Variants in CREB5 observed in about 807,000 individuals in gnomAD.
The protein encoded by CREB5 is cyclic AMP-responsive element-binding protein 5.
In CREB5, 19 loss-of-function variants were observed where a neutral mutation model predicts 57.1. The observed-to-expected ratio is 0.33, with a 90% CI of 0.23 to 0.49. The LOEUF is 0.49. Among genes scored for constraint, CREB5 ranks in the 20% least tolerant of loss-of-function variants. The probability of loss-of-function intolerance (pLI) is 0.99; values close to 1 mark genes in which losing one functional copy is unlikely to be tolerated. For missense variants in CREB5, 579 were observed against 671.6 expected (o/e 0.86, Z 1.52); for synonymous variants, 238 against 238.3 (o/e 1.00, Z 0.01).
At chr7:28,434,716 C>T (rs1788874498) in intron 1 of CREB5, among the ~76,000 whole-genome samples, 1 of 152,126 alleles carries the variant, frequency 6.6e-6, no homozygotes, top group African/African-American at 2.4e-5. Flanking sequence ...AAGACTATTA[C>T]AGTTTACCTA....
intron 1 of CREB5, among the ~76,000 whole-genome samples, chr7:28,354,306 G>A (rs2109815): frequency 0.27 from 40,988 of 151,942 alleles, 5,699 homozygotes; most frequent in Admixed American, 0.27. Context: ...ATCTGGGTGG[G>A]CACCATCTAA....
rs536640369 is a variant in CREB5, at chr7:28,650,653, G to T, written c.465-68100G>T. Reference sequence around the variant, plus strand: ...TTAGAAGGAAACAAATCATCATAAGGTTATTTTGTTCAATGATATAAAATA... The same window carrying T: ...TTAGAAGGAAACAAATCATCATAAGTTTATTTTGTTCAATGATATAAAATA... On this transcript the variant is annotated intron_variant, in intron 5 of 10. Transcript: ENST00000357727. Among the ~76,000 whole-genome samples the T allele has an allele frequency of 2.4e-4, 37 of 152,074 alleles. 1 individual carries two copies. The highest frequency in any genetic ancestry group is 1.6e-3 in the Admixed American group (25 of 15,276).
intron 5 of CREB5, among the ~76,000 whole-genome samples, chr7:28,640,432 G>A (rs1200244537): frequency 6.6e-6 from 1 of 152,058 alleles, no homozygotes; most frequent in Non-Finnish European, 1.5e-5. Context: ...AAGAATTTCA[G>A]CAACAACTAA....
At chr7:28,538,552 T>C (rs570676371) in intron 4 of CREB5, among the ~76,000 whole-genome samples, 2 of 152,338 alleles carry the variant, frequency 1.3e-5, no homozygotes, top group East Asian at 3.9e-4. Context: ...AGAATCAAGC[T>C]TTGGCTTTGT....
At position 28,611,049 on chromosome 7, in the gene CREB5, CCTTATA is replaced by C. The variant is rs1797364884; in HGVS notation, c.464+40517_464+40522del. ...GAGACATTTAAGAGAACTGTCTTTC[CCTTATA>C]CTTAGAGAGGAAATATGTCTTCCTC... is the stretch of plus-strand genomic sequence containing the variant. On this transcript the variant is annotated intron_variant, in intron 5 of 10. Coordinates refer to ENST00000357727, the MANE Select transcript of CREB5 (RefSeq NM_182898.4). 3.3e-5 allele frequency among the ~76,000 whole-genome samples: 5 copies of C among 151,680 alleles called. No individual in the cohort carries two copies. The South Asian group carries it at 1.0e-3, about 32-fold the overall frequency.
chr7:28,444,225 T>C (rs1210179343), intron 1 of CREB5, among the ~76,000 whole-genome samples: 1 of 152,178 alleles, frequency 6.6e-6, no homozygotes, highest in Non-Finnish European at 1.5e-5. Context: ...TGTGCCTGAA[T>C]TGATCTGGCA....
intron 7 of CREB5, among the ~76,000 whole-genome samples, chr7:28,775,001 T>C (rs1806538983): frequency 6.6e-6 from 1 of 152,192 alleles, no homozygotes; most frequent in Non-Finnish European, 1.5e-5. Flanking sequence ...GTTTGCAATC[T>C]CCAAAGGCAG....
chr7:28,721,132 G>C (rs1048344702), intron 6 of CREB5, among the ~76,000 whole-genome samples: 7 of 152,136 alleles, frequency 4.6e-5, no homozygotes, highest in Admixed American at 2.6e-4. Context: ...TCACCTGGGG[G>C]TGATTTTGTC....
chr7:28,519,533 G>GT (rs34009205), intron 4 of CREB5, among the ~76,000 whole-genome samples: 85,918 of 152,000 alleles, frequency 0.57, 25,744 homozygotes, highest in East Asian at 0.72. Context: ...ACCCTTGGTG[G>GT]TAATGGGTTT....
At chr7:28,780,220 G>C (rs2128783057) in intron 7 of CREB5, among the ~76,000 whole-genome samples, 1 of 152,302 alleles carries the variant, frequency 6.6e-6, no homozygotes, top group African/African-American at 2.4e-5. Flanking sequence ...ACTGCAATGA[G>C]AAGCGTAGGG....
At chr7:28,526,597 G>A (rs1793457818) in intron 4 of CREB5, among the ~76,000 whole-genome samples, 1 of 152,162 alleles carries the variant, frequency 6.6e-6, no homozygotes, top group Non-Finnish European at 1.5e-5. Flanking sequence ...GAACATTGTT[G>A]GGAAAGAAAA....
chr7:28,481,051 C>T (rs761671465), intron 1 of CREB5, among the ~76,000 whole-genome samples: 7 of 152,174 alleles, frequency 4.6e-5, no homozygotes, highest in South Asian at 2.1e-4. Context: ...ACAGCATAAA[C>T]GCCACATAAA....
intron 7 of CREB5, among the ~76,000 whole-genome samples, chr7:28,776,764 T>C (rs1806678045): frequency 6.6e-6 from 1 of 152,364 alleles, no homozygotes; most frequent in African/African-American, 2.4e-5. Flanking sequence ...ATTGCCTCTT[T>C]GGATATTTCA....
intron 5 of CREB5, among the ~76,000 whole-genome samples, chr7:28,686,906 T>C (rs1356263032): frequency 6.6e-6 from 1 of 152,090 alleles, no homozygotes; most frequent in South Asian, 2.1e-4. Context: ...CAGGATTCTC[T>C]CTCTCTGTTT....
intron 5 of CREB5, among the ~76,000 whole-genome samples, chr7:28,635,502 T>A (rs750600789): frequency 1.3e-5 from 2 of 152,330 alleles, no homozygotes; most frequent in African/African-American, 2.4e-5. Flanking sequence ...GTCTTAACCA[T>A]CTTTCAGTCT....
At chr7:28,560,857 TGCGTGTGCCTGC>T (rs1562797225) in intron 4 of CREB5, among the ~76,000 whole-genome samples, 1,520 of 50,990 alleles carry the variant, frequency 0.03, 226 homozygotes, top group African/African-American at 0.089. Flanking sequence ...CGTGTGTGTG[TGCGTGTGCCTGC>T]GTGCGCGTGC....
chr7:28,373,689 G>A (rs540994301), intron 1 of CREB5, among the ~76,000 whole-genome samples: 2 of 151,914 alleles, frequency 1.3e-5, no homozygotes, highest in Admixed American at 6.6e-5. Flanking sequence ...GCCTCCCAAA[G>A]TACTGGGATT....
intron 1 of CREB5, among the ~76,000 whole-genome samples, chr7:28,466,612 A>T (rs1433226096): frequency 6.6e-6 from 1 of 152,112 alleles, no homozygotes; most frequent in Non-Finnish European, 1.5e-5. Context: ...ACCAATCAGG[A>T]AGCATTTCCA....
At chr7:28,377,859 G>A (rs1332993439) in intron 1 of CREB5, among the ~76,000 whole-genome samples, 3 of 143,954 alleles carry the variant, frequency 2.1e-5, no homozygotes, top group African/African-American at 7.7e-5. Context: ...GTGAACCCGA[G>A]AGGCGGAGCT....
Sources: gnomAD v4.1 joint callset for allele counts (sites outside exome capture counted in the v4.1 genomes callset) on GRCh38, gnomAD v4.1.1 for gene constraint, MANE v1.5 for transcripts, NCBI Gene and HGNC (gene_info 2026-07-23, HGNC 2026-07-21) for gene names.